ERCC8: variants seen among roughly 807,000 people sequenced by gnomAD.
The protein encoded by ERCC8 is ERCC excision repair 8, CSA ubiquitin ligase complex subunit.
Under a neutral mutation model 54.9 loss-of-function variants are expected in ERCC8, and 52 were observed. That is an observed-to-expected ratio of 0.95 (90% confidence interval 0.76 to 1.19). The LOEUF (loss-of-function observed/expected upper bound fraction) is 1.19. Among genes scored for constraint, ERCC8 ranks in the 50% most tolerant of loss-of-function variants. ERCC8 has a pLI of 0.00. For missense variants in ERCC8, 514 were observed against 466.1 expected (o/e 1.10, Z -0.95); for synonymous variants, 146 against 157.2 (o/e 0.93, Z 0.53).
chr5:60,911,493 C>A (rs763765479), intron 4 of ERCC8, among the ~76,000 whole-genome samples: 2 of 151,528 alleles, frequency 1.3e-5, no homozygotes, highest in Non-Finnish European at 2.9e-5. Flanking sequence ...GGATATTAGC[C>A]CTTTGTCAGA....
intron 1 of ERCC8, among the ~76,000 whole-genome samples, chr5:60,938,085 A>ATATTTT (rs1750140987): frequency 5.4e-5 from 1 of 18,688 alleles, no homozygotes; most frequent in African/African-American, 1.6e-4. Flanking sequence ...ATATATATAT[A>ATATTTT]TTTTATTTTT....
intron 4 of ERCC8, chr5:60,910,008 T>C (rs1363384413): frequency 2.0e-5 from 3 of 151,940 alleles, no homozygotes; most frequent in Non-Finnish European, 4.4e-5. Flanking sequence ...ATGTATTACA[T>C]ATAACATACA....
intron 1 of ERCC8, among the ~76,000 whole-genome samples, chr5:60,930,815 T>C (rs1043114682): frequency 4.6e-5 from 7 of 151,780 alleles, no homozygotes; most frequent in African/African-American, 1.7e-4. Flanking sequence ...ACAGCTAATA[T>C]AAAAAGCCAG....
At chr5:60,908,581 A>ATTTT (rs142838100) in intron 4 of ERCC8, among the ~76,000 whole-genome samples, 30 of 137,316 alleles carry the variant, frequency 2.2e-4, no homozygotes, top group East Asian at 4.9e-4. Context: ...ATATATATAT[A>ATTTT]TATTTTTTTT....
chr5:60,905,997 G>A (rs1209820759), intron 4 of ERCC8, among the ~76,000 whole-genome samples: 1 of 152,130 alleles, frequency 6.6e-6, no homozygotes, highest in Non-Finnish European at 1.5e-5. Context: ...GGGGCAGTTG[G>A]CAGGTCCAGG....
rs550943575 is a variant in ERCC8, at chr5:60,923,809, C to T, written c.174-1654G>A. ...ATTACAAATATACATTTATCCCAATCAAAAATAGGGGAACCATCAAAAATT... is the reference window on the plus strand; with the variant it reads ...ATTACAAATATACATTTATCCCAATTAAAAATAGGGGAACCATCAAAAATT... On this transcript the variant is annotated intron_variant, in intron 2 of 11. Coordinates refer to ENST00000676185, the MANE Select transcript of ERCC8 (RefSeq NM_000082.4). Among the ~76,000 whole-genome samples, 91 of 152,106 alleles carry T rather than the reference C, an allele frequency of 6.0e-4. No individual in the cohort carries two copies. In the South Asian group the frequency reaches 0.014, roughly 23 times the overall value.
At chr5:60,942,954 A>C (rs1750306508) in intron 1 of ERCC8, among the ~76,000 whole-genome samples, 1 of 152,216 alleles carries the variant, frequency 6.6e-6, no homozygotes, top group Non-Finnish European at 1.5e-5. Context: ...AAGCAAAAAC[A>C]TCACTTAATG....
rs1749020679 is a variant in ERCC8, at chr5:60,904,779, T to C, written c.481+13A>G. The C allele has an allele frequency of 6.5e-7, 1 of 1,536,272 alleles. No homozygotes were observed. Among genetic ancestry groups the C allele is most frequent in the Admixed American group, 1.7e-5 (1 of 59,190 alleles). On this transcript the variant is annotated intron_variant, in intron 5 of 11. Coordinates refer to ENST00000676185, the MANE Select transcript of ERCC8 (RefSeq NM_000082.4). ...TTCAGTATGTCAAAAGACAAAAGAA[T>C]ACACTTACAAACCTGCTACCAAACA...
chr5:60,940,664 A>C (rs1489142306), intron 1 of ERCC8, among the ~76,000 whole-genome samples: 5 of 152,176 alleles, frequency 3.3e-5, no homozygotes, highest in African/African-American at 1.2e-4. Flanking sequence ...AATTGAGCTA[A>C]TCACTCAGGT....
At chr5:60,940,298 A>G (rs1750219978) in intron 1 of ERCC8, among the ~76,000 whole-genome samples, 1 of 152,236 alleles carries the variant, frequency 6.6e-6, no homozygotes, top group Non-Finnish European at 1.5e-5. Context: ...GGCTACGCAT[A>G]GTGGCCTGCA....
intron 11 of ERCC8, 82 bp from the exon 12 acceptor site, chr5:60,874,765 T>C: frequency 1.7e-6 from 2 of 1,151,872 alleles, no homozygotes; most frequent in Non-Finnish European, 2.5e-6. Flanking sequence ...AGTTATGAAA[T>C]ATATCAGATA....
intron 2 of ERCC8, among the ~76,000 whole-genome samples, chr5:60,927,340 A>G (rs1030554055): frequency 6.6e-6 from 1 of 152,182 alleles, no homozygotes. Flanking sequence ...CACAGAATGT[A>G]CGCTTTCCTT....
intron 11 of ERCC8, among the ~76,000 whole-genome samples, chr5:60,887,192 T>A (rs914803964): frequency 6.6e-6 from 1 of 152,224 alleles, no homozygotes; most frequent in Non-Finnish European, 1.5e-5. Flanking sequence ...GTCAAATTAT[T>A]TTTACGGAAA....
chr5:60,891,887 C>T (rs1444371385), intron 9 of ERCC8: 1 of 461,278 alleles, frequency 2.2e-6, no homozygotes, highest in Non-Finnish European at 4.3e-6. Flanking sequence ...TCCCGTCCCA[C>T]TGGAACTGGT....
chr5:60,903,863 T>C (rs1051151764), intron 5 of ERCC8, 147 bp from the exon 6 acceptor site: 2 of 770,408 alleles, frequency 2.6e-6, no homozygotes, highest in East Asian at 5.5e-5. Context: ...TCATTTTTAA[T>C]GTTTACATTT....
Position 60,870,747 on chromosome 5 carries a change from A to G in ERCC8, c.*3868T>C, listed in dbSNP as rs1747846677. 6.6e-6 allele frequency among the ~76,000 whole-genome samples: 1 copy of G among 151,962 alleles called. No individual in the cohort carries two copies. Among genetic ancestry groups the G allele is most frequent in the Non-Finnish European group, 1.5e-5 (1 of 67,980 alleles). On this transcript the variant is annotated 3_prime_UTR_variant, in exon 12 of 12. Coordinates refer to ENST00000676185, the MANE Select transcript of ERCC8 (RefSeq NM_000082.4). ...ATAATCCAAAAAAGAAGAAGGAAAA[A>G]GGAGAAGCAACAATTAGACAAATAT...
At chr5:60,901,552 C>G (rs1444359171) in intron 7 of ERCC8, among the ~76,000 whole-genome samples, 1 of 151,990 alleles carries the variant, frequency 6.6e-6, no homozygotes, top group Non-Finnish European at 1.5e-5. Context: ...CACTAAAAAC[C>G]AAGAGAAGCC....
At position 60,928,972 on chromosome 5, in the gene ERCC8, AG is replaced by A; in HGVS notation, c.78-14del. On this transcript the variant is annotated splice_polypyrimidine_tract_variant and intron_variant, in intron 1 of 11. Coordinates refer to ENST00000676185, the MANE Select transcript of ERCC8 (RefSeq NM_000082.4). ...CAGTCCCAAAACTCTTAAAAATAAAAGGGGGAGAAAGAAATTAACAAGTAAT... is the reference window on the plus strand; with the variant it reads ...CAGTCCCAAAACTCTTAAAAATAAAAGGGGAGAAAGAAATTAACAAGTAAT... 1 of 1,416,926 alleles carries A rather than the reference AG, an allele frequency of 7.1e-7. No individual in the cohort carries two copies. Among genetic ancestry groups the A allele is most frequent in the Non-Finnish European group, 1.0e-6 (1 of 1,004,012 alleles). 87.8% of individuals were successfully genotyped at this position (1,416,926 alleles called of 1,614,324 possible).
intron 4 of ERCC8, among the ~76,000 whole-genome samples, chr5:60,908,583 A>ATTTTT (rs3031040): frequency 4.4e-4 from 62 of 141,858 alleles, no homozygotes; most frequent in South Asian, 3.1e-3. Context: ...ATATATATAT[A>ATTTTT]TTTTTTTTTT....
Sources: gnomAD v4.1 joint callset for allele counts (sites outside exome capture counted in the v4.1 genomes callset) on GRCh38, gnomAD v4.1.1 for gene constraint, MANE v1.5 for transcripts, NCBI Gene and HGNC (gene_info 2026-07-23, HGNC 2026-07-21) for gene names.